The following AVPR1B variants were observed in gnomAD, a reference collection of about 807,000 sequenced individuals.
AVPR1B encodes arginine vasopressin receptor 1B.
A neutral mutation model predicts 27.5 loss-of-function variants in AVPR1B; 25 were observed. The observed-to-expected ratio is 0.91, with a 90% CI of 0.66 to 1.27. The LOEUF is 1.27. AVPR1B is among the 50% of genes most tolerant of loss of function. The pLI is 0.00. For synonymous variants in AVPR1B, 248 were observed against 240.2 expected (o/e 1.03, Z -0.30); for missense variants, 595 against 556.9 (o/e 1.07, Z -0.69).
chr1:206,113,149 C>T (rs77619550), intron 1 of AVPR1B, among the ~76,000 whole-genome samples: 3,542 of 152,260 alleles, frequency 0.023, 75 homozygotes, highest in Admixed American at 0.06. Context: ...TGAGCCAGGC[C>T]TTGGTAGGGG....
rs782552433 is a variant in AVPR1B, at chr1:206,110,378, C to G, written c.1086G>C (p.Arg362Ser). ...TGCCGTCGGAGAGCCGCCGGCGCAT[C>G]CTGGGCTGGGGACCCCCACAGCAGG... ...HLACCGGPQP[R>S]MRRRLSDGSL... Residue 362 changes from arginine to serine, a missense_variant, in exon 2 of 2, where the codon AGG becomes AGC. Transcript: ENST00000367126. 15 of 1,611,580 alleles carry G rather than the reference C, an allele frequency of 9.3e-6. No individual in the cohort carries two copies. The East Asian group carries it at 2.7e-4, about 29-fold the overall frequency.
At position 206,116,279 on chromosome 1, in the gene AVPR1B, G is replaced by C. The variant is rs782525406; in HGVS notation, c.612C>G (p.Thr204=). Residue 204 remains threonine, a synonymous_variant, in exon 1 of 2, where the codon ACC becomes ACG. Coordinates refer to ENST00000367126, the MANE Select transcript of AVPR1B (RefSeq NM_000707.5). ...TCACCGGCAGAACGAAGATAGCCAG[G>C]GTGGTCCAGGTGAGGTAGGCCCGTG... ...WGPRAYLTWT[T]LAIFVLPVTM... The C allele has an allele frequency of 1.9e-6, 3 of 1,613,612 alleles. No individual in the cohort carries two copies. The South Asian group carries it at 3.3e-5, about 18-fold the overall frequency.
At position 206,116,059 on chromosome 1, in the gene AVPR1B, G is replaced by C. The variant is rs782036021; in HGVS notation, c.832C>G (p.Arg278Gly). ...SINTISRAKI[R>G]TVKMTFVIVL... ...ATGACAAAGGTCATCTTCACTGTTC[G>C]GATCTTGGCCCGTGAGATGGTGTTG... Residue 278 changes from arginine to glycine, a missense_variant, in exon 1 of 2, where the codon CGA becomes GGA. Transcript: ENST00000367126. 6.2e-7 allele frequency: 1 copy of C among 1,614,214 alleles called. No individual in the cohort carries two copies. Among genetic ancestry groups the C allele is most frequent in the East Asian group, 2.2e-5 (1 of 44,890 alleles).
At chr1:206,114,004 A>C (rs1489495997) in intron 1 of AVPR1B, among the ~76,000 whole-genome samples, 1 of 152,214 alleles carries the variant, frequency 6.6e-6, no homozygotes, top group Non-Finnish European at 1.5e-5. Flanking sequence ...ATCTGCAAAT[A>C]ATCTCTTGCC....
Position 206,109,126 on chromosome 1 carries a change from C to T in AVPR1B, c.*1063G>A, listed in dbSNP as rs1409301153. Among the ~76,000 whole-genome samples, 1 of 152,122 alleles carries T rather than the reference C, an allele frequency of 6.6e-6. No individual in the cohort carries two copies. The highest frequency in any genetic ancestry group is 2.4e-5 in the African/African-American group (1 of 41,418). On this transcript the variant is annotated 3_prime_UTR_variant, in exon 2 of 2. Coordinates refer to ENST00000367126, the MANE Select transcript of AVPR1B (RefSeq NM_000707.5). The stretch of plus-strand genomic sequence containing the variant: ...TATTACACAGGTGAGGAGACTGGGT[C>T]CTGGAAAGGGAGAGTGACTCACCCA...
At chr1:206,115,887 CCTA>C in intron 1 of AVPR1B, 61 bp downstream of exon 1, 1 of 1,505,520 alleles carries the variant, frequency 6.6e-7, no homozygotes, top group Non-Finnish European at 9.0e-7. Flanking sequence ...GTAACCCTGA[CCTA>C]ATCCCCCATC....
rs146094424 is a variant in AVPR1B at position 206,116,955 on chromosome 1, G to A, written c.-65C>T. ...TGGATGCAAGTGGAGAGGTTTGATG[G>A]ATAAAATGGAGTGGCAGGGGAGGTG... On this transcript the variant is annotated 5_prime_UTR_variant, in exon 1 of 2. Transcript: ENST00000367126. The A allele has an allele frequency of 7.1e-7, 1 of 1,415,572 alleles. No homozygotes were observed. Among genetic ancestry groups the A allele is most frequent in the African/African-American group, 1.4e-5 (1 of 70,094 alleles). The allele number at this position is 1,415,572 out of a possible 1,614,324, so 87.7% of individuals were successfully genotyped here.
At chr1:206,114,634 C>T (rs34961037) in intron 1 of AVPR1B, among the ~76,000 whole-genome samples, 3,276 of 152,306 alleles carry the variant, frequency 0.022, 74 homozygotes, top group African/African-American at 0.052. Flanking sequence ...CCAACTGTAG[C>T]ACAGTCCTCT....
intron 1 of AVPR1B, among the ~76,000 whole-genome samples, chr1:206,114,599 T>C (rs1395643937): frequency 1.3e-5 from 2 of 152,038 alleles, no homozygotes; most frequent in Non-Finnish European, 2.9e-5. Context: ...CCCAGAAAAA[T>C]GATGAGAGCC....
chr1:206,116,640 G>A lies in AVPR1B; in HGVS notation c.251C>T (p.Ala84Val), dbSNP rs138075414. 3.3e-4 allele frequency: 526 copies of A among 1,613,316 alleles called. No homozygotes were observed. Among genetic ancestry groups the A allele is most frequent in the Non-Finnish European group, 4.3e-4 (502 of 1,179,660 alleles). ...LHLALTDLAV[A>V]LFQVLPQLLW... ...CAGCTGTGGCAGCACCTGGAAGAGC[G>A]CCACGGCCAGGTCTGTCAGGGCTAA... is the stretch of plus-strand genomic sequence containing the variant. The change falls in exon 1 of 2, where the codon GCG becomes GTG. Residue 84 changes from alanine to valine, a missense_variant. By Grantham distance (64) the Ala-to-Val change is moderately conservative. Coordinates refer to ENST00000367126, the MANE Select transcript of AVPR1B (RefSeq NM_000707.5).
rs1558186260 is a variant in AVPR1B at position 206,116,747 on chromosome 1, C to T, written c.144G>A (p.Ala48=). The part of the protein sequence containing the change: ...IGVLATVLVL[A]TGGNLAVLLT... ...GCAGCACAGCCAGGTTGCCCCCGGT[C>T]GCCAGCACCAGGACAGTGGCCAGGA... Residue 48 remains alanine, a synonymous_variant, in exon 1 of 2, where the codon GCG becomes GCA. Transcript: ENST00000367126. 6.2e-7 allele frequency: 1 copy of T among 1,611,874 alleles called. No individual in the cohort carries two copies. The highest frequency in any genetic ancestry group is 8.5e-7 in the Non-Finnish European group (1 of 1,178,986).
At position 206,116,244 on chromosome 1, in the gene AVPR1B, G is replaced by A. The variant is rs200893536; in HGVS notation, c.647C>T (p.Thr216Met). 1.2e-5 allele frequency: 20 copies of A among 1,613,598 alleles called. No individual in the cohort carries two copies. The highest frequency in any genetic ancestry group is 6.7e-5 in the Admixed American group (4 of 60,016). ...AIFVLPVTML[T>M]ACYSLICHEI... ...ATGGCAGATGAGGCTGTAGCAGGCC[G>A]TGAGCATGGTCACCGGCAGAACGAA... Residue 216 changes from threonine to methionine, a missense_variant, in exon 1 of 2, where the codon ACG (threonine) becomes ATG (methionine). Coordinates refer to ENST00000367126, the MANE Select transcript of AVPR1B (RefSeq NM_000707.5).
chr1:206,116,780 C>T lies in AVPR1B; in HGVS notation c.111G>A (p.Glu37=). ...CCAGGACAGTGGCCAGGACTCCGAT[C>T]TCCACCTTGGCCAGCTCCTCATCCC... ...LGRDEELAKV[E]IGVLATVLVL... Residue 37 remains glutamate (E), a synonymous_variant, in exon 1 of 2, where the codon GAG becomes GAA. Coordinates refer to ENST00000367126, the MANE Select transcript of AVPR1B (RefSeq NM_000707.5). The T allele has an allele frequency of 6.2e-7, 1 of 1,613,974 alleles. No homozygotes were observed. The highest frequency in any genetic ancestry group is 1.1e-5 in the South Asian group (1 of 91,062).
At chr1:206,115,221 G>A (rs1048537550) in intron 1 of AVPR1B, among the ~76,000 whole-genome samples, 1 of 151,968 alleles carries the variant, frequency 6.6e-6, no homozygotes, top group Non-Finnish European at 1.5e-5. Context: ...TAAAGATTAG[G>A]CAGCTCGGGG....
rs782381775 is a variant in AVPR1B, at chr1:206,116,228, G to A, written c.663C>T (p.Leu221=). ...PVTMLTACYS[L]ICHEICKNLK... ...GGTTTTTACAGATCTCATGGCAGATGAGGCTGTAGCAGGCCGTGAGCATGG... is the reference window on the plus strand; with the variant it reads ...GGTTTTTACAGATCTCATGGCAGATAAGGCTGTAGCAGGCCGTGAGCATGG... Residue 221 remains leucine, a synonymous_variant, in exon 1 of 2, where the codon CTC becomes CTT. Coordinates refer to ENST00000367126, the MANE Select transcript of AVPR1B (RefSeq NM_000707.5). 3.7e-6 allele frequency: 6 copies of A among 1,613,652 alleles called. No homozygotes were observed. In the Admixed American group the frequency reaches 8.3e-5, roughly 22 times the overall value.
At position 206,116,646 on chromosome 1, in the gene AVPR1B, G is replaced by A. The variant is rs1663480251; in HGVS notation, c.245C>T (p.Ala82Val). The change falls in exon 1 of 2, where the codon GCC (alanine) becomes GTC (valine). Residue 82 changes from alanine (A) to valine (V), a missense_variant. By Grantham distance (64) the Ala-to-Val change is moderately conservative (BLOSUM62 0). Coordinates refer to ENST00000367126, the MANE Select transcript of AVPR1B (RefSeq NM_000707.5). ...FVLHLALTDL[A>V]VALFQVLPQL... Reference sequence around the variant, plus strand: ...TGGCAGCACCTGGAAGAGCGCCACGGCCAGGTCTGTCAGGGCTAAGTGCAG... The same window carrying A: ...TGGCAGCACCTGGAAGAGCGCCACGACCAGGTCTGTCAGGGCTAAGTGCAG... 6.8e-6 allele frequency: 11 copies of A among 1,612,914 alleles called. No individual in the cohort carries two copies. The highest frequency in any genetic ancestry group is 9.3e-6 in the Non-Finnish European group (11 of 1,179,520).
intron 1 of AVPR1B, among the ~76,000 whole-genome samples, chr1:206,115,733 A>T (rs1291649065): frequency 3.9e-5 from 6 of 152,248 alleles, no homozygotes; most frequent in African/African-American, 1.4e-4. Flanking sequence ...CAAAATTTTT[A>T]AAGCTGGAAA....
chr1:206,110,639 G>T (rs1663361654), intron 1 of AVPR1B, 116 bp from the exon 2 acceptor site: 1 of 884,500 alleles, frequency 1.1e-6, no homozygotes, highest in South Asian at 1.8e-5. Flanking sequence ...AGAGGGGAAA[G>T]GAGTCACTCA....
intron 1 of AVPR1B, among the ~76,000 whole-genome samples, chr1:206,111,899 T>C (rs905233448): frequency 6.6e-6 from 1 of 152,146 alleles, no homozygotes; most frequent in Non-Finnish European, 1.5e-5. Context: ...AGGGATGATA[T>C]GGTTTGGATG....
Sources: gnomAD v4.1 joint callset for allele counts (sites outside exome capture counted in the v4.1 genomes callset) on GRCh38, gnomAD v4.1.1 for gene constraint, MANE v1.5 for transcripts, NCBI Gene and HGNC (gene_info 2026-07-23, HGNC 2026-07-21) for gene names.